Variants in TBC1D32 observed in about 807,000 individuals in gnomAD.
TBC1D32 encodes protein broad-minded.
Under a neutral mutation model 170.3 loss-of-function variants are expected in TBC1D32, and 151 were observed. The observed-to-expected ratio is 0.89, with a 90% CI of 0.78 to 1.01. The LOEUF (loss-of-function observed/expected upper bound fraction) is 1.01, where lower values mean the gene tolerates loss of function less well. Among genes scored for constraint, TBC1D32 ranks in the 50% least tolerant of loss-of-function variants. The pLI is 0.00. For synonymous variants in TBC1D32, 498 were observed against 488.0 expected, an observed-to-expected ratio of 1.02 and a Z score of -0.27; for missense variants, 1,464 against 1,457.1, an observed-to-expected ratio of 1.00 and a Z score of -0.08.
intron 31 of TBC1D32, among the ~76,000 whole-genome samples, chr6:121,083,166 T>C (rs1242739601): frequency 2.0e-5 from 3 of 152,006 alleles, no homozygotes; most frequent in African/African-American, 7.2e-5. Context: ...TAATTTCATC[T>C]ATAGACCAAA....
At chr6:121,098,520 G>GA (rs1562472995) in intron 30 of TBC1D32, among the ~76,000 whole-genome samples, 1 of 151,784 alleles carries the variant, frequency 6.6e-6, no homozygotes, top group Non-Finnish European at 1.5e-5. Flanking sequence ...AATTTTAAAT[G>GA]AAAAAAGAAC....
chr6:121,153,166 G>A (rs142688745), intron 24 of TBC1D32, among the ~76,000 whole-genome samples: 11 of 152,208 alleles, frequency 7.2e-5, no homozygotes. Context: ...TGCTATTGGT[G>A]ACCTTGGGAT....
At chr6:121,173,923 A>AT (rs955813363) in intron 22 of TBC1D32, among the ~76,000 whole-genome samples, 8 of 151,622 alleles carry the variant, frequency 5.3e-5, no homozygotes, top group African/African-American at 1.9e-4. Flanking sequence ...GAAAAAATAA[A>AT]AAAAAAAGAT....
intron 21 of TBC1D32, among the ~76,000 whole-genome samples, chr6:121,221,245 C>G (rs1031935129): frequency 1.3e-5 from 2 of 152,140 alleles, no homozygotes; most frequent in African/African-American, 4.8e-5. Context: ...TTTAAGCCTA[C>G]CATTGAAAAC....
chr6:121,093,568 C>T (rs1210842205), intron 30 of TBC1D32, among the ~76,000 whole-genome samples: 1 of 152,134 alleles, frequency 6.6e-6, no homozygotes, highest in African/African-American at 2.4e-5. Flanking sequence ...TTGTTAGTTT[C>T]AGGAGTGAAT....
At chr6:121,188,248 T>C (rs1490873785) in intron 22 of TBC1D32, among the ~76,000 whole-genome samples, 1 of 152,166 alleles carries the variant, frequency 6.6e-6, no homozygotes, top group African/African-American at 2.4e-5. Context: ...TATTATGCAG[T>C]AGCAGAGGTT....
intron 21 of TBC1D32, among the ~76,000 whole-genome samples, chr6:121,215,245 C>G (rs965397259): frequency 6.6e-6 from 1 of 152,218 alleles, no homozygotes; most frequent in African/African-American, 2.4e-5. Context: ...ATTGGCAGCT[C>G]GGCCCTCATA....
intron 19 of TBC1D32, 91 bp from the exon 20 acceptor site, chr6:121,239,279 T>C (rs1394028871): frequency 1.6e-5 from 11 of 696,590 alleles, no homozygotes; most frequent in African/African-American, 3.5e-5. Flanking sequence ...ATGAATCTGG[T>C]CTACTCTGAC....
rs1169583806 is a variant in TBC1D32, at chr6:121,310,778, C to T, written c.564+1G>A. Reference sequence around the variant, plus strand: ...ACTTGACAGCTATCCTTGAAACTTACCTCTTTAGGTTGCCCAGGATCCAAC... The same window carrying T: ...ACTTGACAGCTATCCTTGAAACTTATCTCTTTAGGTTGCCCAGGATCCAAC... On this transcript the variant is annotated splice_donor_variant, in intron 4 of 31. Transcript: ENST00000398212. LOFTEE classifies it high-confidence loss of function. 1.3e-6 allele frequency: 2 copies of T among 1,544,278 alleles called. No individual in the cohort carries two copies. Among genetic ancestry groups the T allele is most frequent in the Admixed American group, 1.9e-5 (1 of 51,650 alleles).
intron 26 of TBC1D32, among the ~76,000 whole-genome samples, chr6:121,116,815 C>G (rs193006737): frequency 1.3e-5 from 2 of 152,230 alleles, no homozygotes; most frequent in African/African-American, 4.8e-5. Context: ...AGTTGTGAGG[C>G]CTGAGATGAG....
chr6:121,247,695 CAAAAAA>C (rs34914027), intron 17 of TBC1D32, among the ~76,000 whole-genome samples: 7 of 46,574 alleles, frequency 1.5e-4, no homozygotes, highest in South Asian at 1.2e-3. Context: ...GGCTTTAAAG[CAAAAAA>C]AAAAAAAAAA....
At chr6:121,097,183 C>T (rs751259127) in intron 30 of TBC1D32, among the ~76,000 whole-genome samples, 19 of 152,008 alleles carry the variant, frequency 1.2e-4, no homozygotes, top group South Asian at 2.1e-4. Context: ...CAATAAAAGC[C>T]GAAATTGACA....
intron 15 of TBC1D32, among the ~76,000 whole-genome samples, chr6:121,257,623 A>G (rs1421601235): frequency 6.6e-6 from 1 of 152,162 alleles, no homozygotes; most frequent in Non-Finnish European, 1.5e-5. Context: ...CTTTTTATCA[A>G]TTTGCATACT....
intron 21 of TBC1D32, among the ~76,000 whole-genome samples, chr6:121,210,000 T>C (rs765339904): frequency 1.3e-5 from 2 of 152,210 alleles, no homozygotes; most frequent in Non-Finnish European, 2.9e-5. Context: ...GGATGGTAAG[T>C]CATAGAAACT....
chr6:121,222,859 A>G (rs1794673908), intron 21 of TBC1D32, among the ~76,000 whole-genome samples: 1 of 152,326 alleles, frequency 6.6e-6, no homozygotes, highest in Non-Finnish European at 1.5e-5. Context: ...ATATAAGCAG[A>G]AAACGCAGTG....
At chr6:121,253,515 A>G (rs1798569556) in intron 17 of TBC1D32, among the ~76,000 whole-genome samples, 1 of 152,078 alleles carries the variant, frequency 6.6e-6, no homozygotes, top group Admixed American at 6.6e-5. Context: ...TCAGAAGATC[A>G]AGACCATCCT....
intron 12 of TBC1D32, among the ~76,000 whole-genome samples, chr6:121,288,081 C>A (rs2128457196): frequency 6.6e-6 from 1 of 152,178 alleles, no homozygotes. Flanking sequence ...CCTAACATCA[C>A]AATTAAAAGA....
intron 22 of TBC1D32, among the ~76,000 whole-genome samples, chr6:121,178,161 C>A (rs1021973300): frequency 6.6e-6 from 1 of 152,116 alleles, no homozygotes; most frequent in Non-Finnish European, 1.5e-5. Context: ...GGGGAAACTG[C>A]GCCCATGATT....
rs564057846 is a variant in TBC1D32, at chr6:121,193,563, T to C, written c.2570+11512A>G. On this transcript the variant is annotated intron_variant, in intron 22 of 31. Coordinates refer to ENST00000398212, the MANE Select transcript of TBC1D32 (RefSeq NM_152730.6). ...CAAAATTTAAATACAATAAGAATAATTGGATCCCTATGTGGCAAGGGCCAA... is the reference window on the plus strand; with the variant it reads ...CAAAATTTAAATACAATAAGAATAACTGGATCCCTATGTGGCAAGGGCCAA... 1.5e-3 allele frequency among the ~76,000 whole-genome samples: 222 copies of C among 152,306 alleles called. 4 individuals are homozygous for C. In the South Asian group the frequency reaches 0.024, roughly 16 times the overall value.
Sources: gnomAD v4.1 joint callset for allele counts (sites outside exome capture counted in the v4.1 genomes callset) on GRCh38, gnomAD v4.1.1 for gene constraint, MANE v1.5 for transcripts, NCBI Gene and HGNC (gene_info 2026-07-23, HGNC 2026-07-21) for gene names.